Variants in PCDHGB1 observed in about 807,000 individuals in gnomAD.
The protein encoded by PCDHGB1 is protocadherin gamma subfamily B, 1.
In PCDHGB1, 34 loss-of-function variants were observed where a neutral mutation model predicts 56.6. That is an observed-to-expected ratio of 0.60 (90% CI 0.46 to 0.80). The LOEUF (loss-of-function observed/expected upper bound fraction) is 0.80, where lower values mean the gene tolerates loss of function less well. PCDHGB1 is among the 30% of genes least tolerant of loss of function. The pLI is 0.00. For missense variants in PCDHGB1, 1,278 were observed against 1,204.6 expected, an observed-to-expected ratio of 1.06 and a Z score of -0.90; for synonymous variants, 561 against 505.9, an observed-to-expected ratio of 1.11 and a Z score of -1.46.
At chr5:141,475,715 C>T (rs989484033) in intron 1 of PCDHGB1, among the ~76,000 whole-genome samples, 1 of 152,366 alleles carries the variant, frequency 6.6e-6, no homozygotes, top group African/African-American at 2.4e-5. Context: ...AGCCTCACAG[C>T]CCCAAGGCTG....
intron 1 of PCDHGB1, among the ~76,000 whole-genome samples, chr5:141,455,146 A>G (rs2098814943): frequency 6.7e-6 from 1 of 149,242 alleles, no homozygotes; most frequent in South Asian, 2.1e-4. Flanking sequence ...TGTTAAATAA[A>G]TATTAGTTTG....
Position 141,350,893 on chromosome 5 carries a change from C to T in PCDHGB1, c.633C>T (p.Ala211=). ...HQSSHRLILT[A]MDGGDPPLSG... ...GCTCTCATCGCTTAATCCTGACTGC[C>T]ATGGATGGCGGGGACCCGCCTCTAA... is the stretch of plus-strand genomic sequence containing the variant. The change falls in exon 1 of 4, where the codon GCC becomes GCT. Residue 211 remains alanine, a synonymous_variant. Transcript: ENST00000523390. 6.2e-7 allele frequency: 1 copy of T among 1,614,042 alleles called. No individual in the cohort carries two copies. Among genetic ancestry groups the T allele is most frequent in the Non-Finnish European group, 8.5e-7 (1 of 1,179,900 alleles).
At chr5:141,424,746 T>TTA (rs1392854638) in intron 1 of PCDHGB1, 1 of 152,214 alleles carries the variant, frequency 6.6e-6, no homozygotes, top group Non-Finnish European at 1.5e-5. Flanking sequence ...CTTTCTTTCT[T>TTA]TATAAGGTCA....
Position 141,477,167 on chromosome 5 carries a change from G to C in PCDHGB1, c.2410-17640G>C. The C allele has an allele frequency of 6.2e-7, 1 of 1,614,166 alleles. No individual in the cohort carries two copies. Among genetic ancestry groups the C allele is most frequent in the South Asian group, 1.1e-5 (1 of 91,076 alleles). ...TGTGGATGTGAATGACAACGCCCCG[G>C]AGATCACAGTCACCTCCGTGTACAG... On this transcript the variant is annotated intron_variant, in intron 1 of 3. Coordinates refer to ENST00000523390, the MANE Select transcript of PCDHGB1 (RefSeq NM_018922.3). The surrounding 1 kb of genome is among the most constrained non-coding windows in gnomAD (Gnocchi z 4.9).
At chr5:141,498,679 C>T (rs1454800332) in intron 2 of PCDHGB1, among the ~76,000 whole-genome samples, 1 of 152,170 alleles carries the variant, frequency 6.6e-6, no homozygotes, top group African/African-American at 2.4e-5. Flanking sequence ...CGCCTGTAAT[C>T]CCAGCACTTT....
Position 141,489,214 on chromosome 5 carries a change from T to TA in PCDHGB1, c.2410-5592dup, listed in dbSNP as rs771766565. On this transcript the variant is annotated intron_variant, in intron 1 of 3. Transcript: ENST00000523390. This position sits in a 1 kb window ranked among gnomAD's most constrained non-coding sequence, Gnocchi z 4.5. ...CCTTGGAGACAGGACAGCACAGACTTACTCTCCACAAAGGGACTTCTGGGT... is the reference window on the plus strand; with the variant it reads ...CCTTGGAGACAGGACAGCACAGACTTAACTCTCCACAAAGGGACTTCTGGGT... 216 of 1,480,534 alleles carry TA rather than the reference T, an allele frequency of 1.5e-4. 4 individuals are homozygous for TA. The South Asian group carries it at 2.1e-3, about 14-fold the overall frequency. 91.7% of individuals were successfully genotyped at this position (1,480,534 alleles called of 1,614,324 possible).
rs1289513674 is a variant in PCDHGB1 at position 141,432,063 on chromosome 5, A to T, written c.2410-62744A>T. On this transcript the variant is annotated intron_variant, in intron 1 of 3. Coordinates refer to ENST00000523390, the MANE Select transcript of PCDHGB1 (RefSeq NM_018922.3). The surrounding 1 kb of genome is among the most constrained non-coding windows in gnomAD (Gnocchi z 6.0). ...CGGGGAACCCCGCCCCTATCCACGG[A>T]AACTCATATCTCGCTGAACGTGGCA... The T allele has an allele frequency of 8.7e-6, 14 of 1,614,134 alleles. No individual in the cohort carries two copies. The highest frequency in any genetic ancestry group is 1.2e-5 in the Non-Finnish European group (14 of 1,180,028).
At chr5:141,384,969 G>C (rs996601457) in intron 1 of PCDHGB1, 1 of 1,614,014 alleles carries the variant, frequency 6.2e-7, no homozygotes, top group Admixed American at 1.7e-5. Flanking sequence ...ATGACCTCAC[G>C]TTGTACCTGG....
intron 1 of PCDHGB1, chr5:141,422,139 A>C: frequency 1.9e-6 from 3 of 1,588,154 alleles, no homozygotes; most frequent in Non-Finnish European, 2.6e-6. Context: ...AAGTTCAAGT[A>C]CGGGGGTCTC....
chr5:141,476,770 C>T lies in PCDHGB1; in HGVS notation c.2410-18037C>T, dbSNP rs1452363016. 6.2e-7 allele frequency: 1 copy of T among 1,613,568 alleles called. No homozygotes were observed. The highest frequency in any genetic ancestry group is 8.5e-7 in the Non-Finnish European group (1 of 1,180,020). ...TCCAGTTAGTGCTGACGGCGTTGGA[C>T]GGAGGGACCCCAGCTCTCTCCGCCA... On this transcript the variant is annotated intron_variant, in intron 1 of 3. Coordinates refer to ENST00000523390, the MANE Select transcript of PCDHGB1 (RefSeq NM_018922.3). This position sits in a 1 kb window ranked among gnomAD's most constrained non-coding sequence, Gnocchi z 7.6.
At chr5:141,424,784 C>T (rs1351935601) in intron 1 of PCDHGB1, 2 of 152,062 alleles carry the variant, frequency 1.3e-5, no homozygotes, top group Non-Finnish European at 2.9e-5. Context: ...ACATTCAGTT[C>T]TTTTATTCAG....
At chr5:141,391,837 T>C (rs2092427916) in intron 1 of PCDHGB1, 1 of 152,236 alleles carries the variant, frequency 6.6e-6, no homozygotes, top group Non-Finnish European at 1.5e-5. Flanking sequence ...TTAGAATATA[T>C]GTAAAAGTCA....
chr5:141,475,921 A>T, intron 1 of PCDHGB1: 1 of 604,938 alleles, frequency 1.7e-6, no homozygotes, highest in Non-Finnish European at 2.8e-6. Flanking sequence ...AAGACGCTGG[A>T]GATCGGGCCC....
chr5:141,418,123 C>A (rs1049456676), intron 1 of PCDHGB1: 8 of 1,613,914 alleles, frequency 5.0e-6, no homozygotes, highest in Admixed American at 3.3e-5. Flanking sequence ...TTGTGAAGGA[C>A]CGAATAGACC....
At chr5:141,363,434 A>G (rs1040594076) in intron 1 of PCDHGB1, among the ~76,000 whole-genome samples, 4 of 152,234 alleles carry the variant, frequency 2.6e-5, no homozygotes, top group African/African-American at 9.6e-5. Flanking sequence ...CAACATAGAA[A>G]GGTCACTCAG....
intron 1 of PCDHGB1, chr5:141,404,584 C>T: frequency 6.2e-7 from 1 of 1,613,980 alleles, no homozygotes; most frequent in Non-Finnish European, 8.5e-7. Flanking sequence ...CACTTAGCAG[C>T]AATGTGTCAT....
chr5:141,389,223 G>T, intron 1 of PCDHGB1: 3 of 1,613,994 alleles, frequency 1.9e-6, no homozygotes, highest in East Asian at 2.2e-5. Flanking sequence ...AAATGACAAC[G>T]CTCCGGTTTT....
Position 141,490,637 on chromosome 5 carries a change from A to C in PCDHGB1, c.2410-4170A>C. ...CTTTACACTGCTTACATCCTAGAAA[A>C]CCGGCCTCCGGGCTCCCTTCTTTGC... is the stretch of plus-strand genomic sequence containing the variant. On this transcript the variant is annotated intron_variant, in intron 1 of 3. Coordinates refer to ENST00000523390, the MANE Select transcript of PCDHGB1 (RefSeq NM_018922.3). This position sits in a 1 kb window ranked among gnomAD's most constrained non-coding sequence, Gnocchi z 5.4. 1 of 1,614,108 alleles carries C rather than the reference A, an allele frequency of 6.2e-7. No individual in the cohort carries two copies. Among genetic ancestry groups the C allele is most frequent in the Non-Finnish European group, 8.5e-7 (1 of 1,179,992 alleles).
Position 141,489,560 on chromosome 5 carries a change from A to G in PCDHGB1, c.2410-5247A>G. On this transcript the variant is annotated intron_variant, in intron 1 of 3. Coordinates refer to ENST00000523390, the MANE Select transcript of PCDHGB1 (RefSeq NM_018922.3). The surrounding 1 kb of genome is among the most constrained non-coding windows in gnomAD (Gnocchi z 4.5). Reference sequence around the variant, plus strand: ...AGCACCAGCTGCCTGCTGCCAGTGCAGGTGGTGACTGAACACCCCCTGGAG... The same window carrying G: ...AGCACCAGCTGCCTGCTGCCAGTGCGGGTGGTGACTGAACACCCCCTGGAG... 1.2e-6 allele frequency: 2 copies of G among 1,614,142 alleles called. No homozygotes were observed. The highest frequency in any genetic ancestry group is 1.7e-6 in the Non-Finnish European group (2 of 1,180,030).
Sources: gnomAD v4.1 joint callset for allele counts (sites outside exome capture counted in the v4.1 genomes callset) on GRCh38, gnomAD v4.1.1 for gene constraint, Gnocchi (gnomAD v3.1) non-coding constraint, MANE v1.5 for transcripts, NCBI Gene and HGNC (gene_info 2026-07-23, HGNC 2026-07-21) for gene names.